Variants in PDE4D observed in about 807,000 individuals in gnomAD.
The protein encoded by PDE4D is phosphodiesterase 4D, also known as 3',5'-cyclic-AMP phosphodiesterase 4D.
PDE4D carries 24 observed loss-of-function variants against 87.4 expected under a neutral mutation model. The observed-to-expected ratio is 0.27, with a 90% confidence interval of 0.20 to 0.39. The LOEUF is 0.39. Among genes scored for constraint, PDE4D ranks in the 10% least tolerant of loss-of-function variants. PDE4D has a pLI of 1.00. For missense variants in PDE4D, 714 were observed against 1,041.0 expected, an observed-to-expected ratio of 0.69 and a Z score of 4.32; for synonymous variants, 384 against 383.2, an observed-to-expected ratio of 1.00 and a Z score of -0.02.
intron 3 of PDE4D, among the ~76,000 whole-genome samples, chr5:59,979,111 A>G (rs143499597): frequency 6.6e-6 from 1 of 152,230 alleles, no homozygotes; most frequent in East Asian, 1.9e-4. Context: ...AATATCTCCG[A>G]GGTATGTCTG....
At chr5:59,983,468 C>T (rs1367354988) in intron 3 of PDE4D, among the ~76,000 whole-genome samples, 1 of 152,074 alleles carries the variant, frequency 6.6e-6, no homozygotes, top group African/African-American at 2.4e-5. Context: ...TTATAATACA[C>T]ATGTCTAACA....
At chr5:59,399,221 G>A (rs1481964955) in intron 1 of PDE4D, among the ~76,000 whole-genome samples, 2 of 134,448 alleles carry the variant, frequency 1.5e-5, no homozygotes, top group African/African-American at 2.7e-5. Context: ...CACAGAATTG[G>A]AAAAAACTAC....
chr5:59,010,398 A>AT lies in PDE4D; in HGVS notation c.922-16934dup, dbSNP rs5868150. ...GTATTCTTTTAAGTATTATTATTTT[A>AT]TTTTTTTTTAATTCTTTGTAATAAA... On this transcript the variant is annotated intron_variant, in intron 6 of 14. Coordinates refer to ENST00000340635, the MANE Select transcript of PDE4D (RefSeq NM_001104631.2). 6.6e-3 allele frequency among the ~76,000 whole-genome samples: 1,005 copies of AT among 151,470 alleles called. 8 individuals carry two copies. Among genetic ancestry groups the AT allele is most frequent in the African/African-American group, 0.019 (802 of 41,286 alleles).
chr5:60,435,954 G>A (rs1744726539), intron 1 of PDE4D, among the ~76,000 whole-genome samples: 1 of 152,030 alleles, frequency 6.6e-6, no homozygotes, highest in Non-Finnish European at 1.5e-5. Flanking sequence ...TAGGTTTCAG[G>A]ACAATTCAGC....
chr5:60,203,663 C>T (rs1040632801), intron 1 of PDE4D, among the ~76,000 whole-genome samples: 1 of 152,070 alleles, frequency 6.6e-6, no homozygotes, highest in Non-Finnish European at 1.5e-5. Context: ...AAATGTAATT[C>T]GTAGCTAAAG....
At chr5:60,444,335 A>G (rs1388871891) in intron 1 of PDE4D, among the ~76,000 whole-genome samples, 2 of 152,072 alleles carry the variant, frequency 1.3e-5, no homozygotes, top group African/African-American at 2.4e-5. Flanking sequence ...CCATACATTC[A>G]TTGTTTGCAT....
At chr5:59,236,171 C>T (rs566592969) in intron 1 of PDE4D, among the ~76,000 whole-genome samples, 2 of 152,082 alleles carry the variant, frequency 1.3e-5, no homozygotes, top group Non-Finnish European at 2.9e-5. Context: ...TCTCTTCCTC[C>T]CTGCTTTTGC....
chr5:59,195,267 C>T (rs1248647075), intron 2 of PDE4D, among the ~76,000 whole-genome samples: 1 of 151,506 alleles, frequency 6.6e-6, no homozygotes, highest in East Asian at 1.9e-4. Flanking sequence ...TACCTTGACT[C>T]TCAAAAAAAA....
intron 1 of PDE4D, among the ~76,000 whole-genome samples, chr5:59,616,793 T>C (rs1561332899): frequency 6.6e-6 from 1 of 151,320 alleles, no homozygotes; most frequent in Non-Finnish European, 1.5e-5. Flanking sequence ...TTTTTCCTAT[T>C]CTATGCATTT....
chr5:58,990,446 G>A (rs1010142660), intron 9 of PDE4D, among the ~76,000 whole-genome samples: 3 of 152,172 alleles, frequency 2.0e-5, no homozygotes, highest in Non-Finnish European at 4.4e-5. Flanking sequence ...TCTAAGGTTA[G>A]TAGCCAGCAG....
At chr5:59,614,244 T>C (rs893081419) in intron 1 of PDE4D, among the ~76,000 whole-genome samples, 4 of 152,182 alleles carry the variant, frequency 2.6e-5, no homozygotes, top group Admixed American at 1.3e-4. Flanking sequence ...AATAGGCCAC[T>C]TTAAAATGCA....
chr5:59,410,828 A>G (rs1158720134), intron 1 of PDE4D, among the ~76,000 whole-genome samples: 1 of 152,060 alleles, frequency 6.6e-6, no homozygotes, highest in Admixed American at 6.5e-5. Flanking sequence ...ATATTTTTTT[A>G]GACAATTTTT....
At chr5:60,391,064 T>C (rs911241061) in intron 1 of PDE4D, among the ~76,000 whole-genome samples, 3 of 152,234 alleles carry the variant, frequency 2.0e-5, no homozygotes, top group Non-Finnish European at 2.9e-5. Context: ...CTATCTAATA[T>C]ATGATGCATT....
rs1162609708 is a variant in PDE4D, at chr5:59,181,573, A to ATATATATAT, written c.759-930_759-929insATATATATA. On this transcript the variant is annotated intron_variant, in intron 4 of 14. Transcript: ENST00000340635. ...ATATATATATATATATATATATATT[A>ATATATATAT]GGTATATAATAATTATATATATATT... 6.5e-4 allele frequency among the ~76,000 whole-genome samples: 55 copies of ATATATATAT among 85,174 alleles called. No individual in the cohort carries two copies. The South Asian group carries it at 7.2e-3, about 11-fold the overall frequency. The allele number at this position is 85,174 out of a possible 152,430, so 55.9% of individuals were successfully genotyped here.
At chr5:60,377,617 A>T (rs1761531270) in intron 1 of PDE4D, among the ~76,000 whole-genome samples, 1 of 152,308 alleles carries the variant, frequency 6.6e-6, no homozygotes, top group South Asian at 2.1e-4. Flanking sequence ...TCTACCTGCC[A>T]ACTCCTACAG....
At chr5:59,274,364 C>CA (rs1206998174) in intron 1 of PDE4D, among the ~76,000 whole-genome samples, 5 of 152,106 alleles carry the variant, frequency 3.3e-5, no homozygotes, top group Admixed American at 2.6e-4. Context: ...AACCTATCCA[C>CA]AAAAACACAA....
chr5:59,793,874 T>G (rs554299864), intron 1 of PDE4D, among the ~76,000 whole-genome samples: 1 of 152,324 alleles, frequency 6.6e-6, no homozygotes, highest in East Asian at 1.9e-4. Context: ...TAAGTGTTAC[T>G]ACTTAGGTAT....
intron 1 of PDE4D, among the ~76,000 whole-genome samples, chr5:60,402,134 T>C (rs1349405914): frequency 6.6e-6 from 1 of 152,228 alleles, no homozygotes; most frequent in Admixed American, 6.5e-5. Context: ...TGATTGTTTC[T>C]TTGTTCCAGC....
intron 1 of PDE4D, among the ~76,000 whole-genome samples, chr5:59,228,440 A>C (rs1195080303): frequency 2.0e-5 from 1 of 49,674 alleles, no homozygotes; most frequent in Admixed American, 2.1e-4. Context: ...CAACAACAAC[A>C]AAAAAAAAAA....
Sources: gnomAD v4.1 joint callset for allele counts (sites outside exome capture counted in the v4.1 genomes callset) on GRCh38, gnomAD v4.1.1 for gene constraint, MANE v1.5 for transcripts, NCBI Gene and HGNC (gene_info 2026-07-23, HGNC 2026-07-21) for gene names.